Variants in VPS54 observed in about 807,000 individuals in gnomAD.
VPS54 encodes VPS54 subunit of GARP complex.
VPS54 carries 45 observed loss-of-function variants against 121.5 expected under a neutral mutation model. The ratio of observed to expected loss-of-function variants is 0.37; its 90% CI spans 0.29 to 0.47. The LOEUF (loss-of-function observed/expected upper bound fraction) is 0.47, where lower values mean the gene tolerates loss of function less well. Ranked by LOEUF, VPS54 falls within the 20% of genes least tolerant of loss-of-function variation. The pLI is 0.99. For synonymous variants in VPS54, 371 were observed against 385.8 expected, an observed-to-expected ratio of 0.96 and a Z score of 0.45; for missense variants, 1,090 against 1,131.4, an observed-to-expected ratio of 0.96 and a Z score of 0.52.
At chr2:64,017,389 G>A (rs1214065013) in intron 1 of VPS54, among the ~76,000 whole-genome samples, 1 of 151,306 alleles carries the variant, frequency 6.6e-6, no homozygotes, top group Admixed American at 6.6e-5. Context: ...AAGAAATTCT[G>A]CAAAATTTGC....
intron 6 of VPS54, among the ~76,000 whole-genome samples, chr2:63,963,653 C>T (rs960853198): frequency 4.6e-5 from 7 of 152,102 alleles, no homozygotes; most frequent in African/African-American, 1.7e-4. Flanking sequence ...AAATAGGTTA[C>T]AAACAAGAAA....
chr2:63,972,336 C>T, intron 3 of VPS54, 92 bp from the exon 4 acceptor site: 1 of 835,530 alleles, frequency 1.2e-6, no homozygotes, highest in Non-Finnish European at 1.8e-6. Context: ...CAGAATATGC[C>T]AAATTAGTCC....
At chr2:63,973,207 T>TTTA (rs1676366348) in intron 3 of VPS54, among the ~76,000 whole-genome samples, 1 of 152,234 alleles carries the variant, frequency 6.6e-6, no homozygotes, top group African/African-American at 2.4e-5. Context: ...TTGTCAGTGT[T>TTTA]TTAGATTTTT....
At chr2:63,952,765 G>A (rs1675313617) in intron 7 of VPS54, among the ~76,000 whole-genome samples, 1 of 152,146 alleles carries the variant, frequency 6.6e-6, no homozygotes, top group South Asian at 2.1e-4. Flanking sequence ...ATTTCCACCA[G>A]TACAAACTAA....
At chr2:64,005,100 T>C (rs932847902) in intron 1 of VPS54, among the ~76,000 whole-genome samples, 2 of 98,374 alleles carry the variant, frequency 2.0e-5, no homozygotes, top group African/African-American at 8.3e-5. Context: ...TTTTTTTTTT[T>C]TTTTTTTTTT....
chr2:63,944,363 G>C (rs763283234), intron 10 of VPS54, among the ~76,000 whole-genome samples: 142 of 152,070 alleles, frequency 9.3e-4, no homozygotes, highest in Non-Finnish European at 1.5e-4. Context: ...TCTCTCTCAA[G>C]GGTTGCCTCA....
At chr2:64,013,546 G>GATAT (rs201322415) in intron 1 of VPS54, among the ~76,000 whole-genome samples, 6 of 145,494 alleles carry the variant, frequency 4.1e-5, no homozygotes, top group South Asian at 2.2e-4. Context: ...AGTAAATGCT[G>GATAT]ATATATATAT....
chr2:63,911,760 T>G (rs895036016), intron 20 of VPS54, among the ~76,000 whole-genome samples: 5 of 152,250 alleles, frequency 3.3e-5, no homozygotes, highest in Non-Finnish European at 7.3e-5. Context: ...CAGTATACAC[T>G]GAGTAAACTT....
chr2:63,953,122 TTTAA>T (rs1198487044), intron 7 of VPS54, among the ~76,000 whole-genome samples: 2 of 151,346 alleles, frequency 1.3e-5, no homozygotes, highest in African/African-American at 4.8e-5. Flanking sequence ...CCATGAAATT[TTTAA>T]TTTTTTTTTT....
At chr2:63,939,328 T>C (rs1007175461) in intron 11 of VPS54, among the ~76,000 whole-genome samples, 5 of 151,838 alleles carry the variant, frequency 3.3e-5, no homozygotes, top group Non-Finnish European at 1.5e-5. Flanking sequence ...GCTGAGATTG[T>C]GCCACTGCAC....
intron 12 of VPS54, among the ~76,000 whole-genome samples, chr2:63,921,728 C>T (rs979120985): frequency 1.3e-5 from 2 of 152,014 alleles, no homozygotes; most frequent in Non-Finnish European, 2.9e-5. Context: ...GCAATCCTCC[C>T]ACCTCAGCCT....
At chr2:63,986,643 G>A (rs2901636) in intron 1 of VPS54, among the ~76,000 whole-genome samples, 119,215 of 152,188 alleles carry the variant, frequency 0.78, 48,293 homozygotes, top group African/African-American at 0.92. Context: ...ATACAGCTCC[G>A]TTTTCAGTTT....
intron 1 of VPS54, among the ~76,000 whole-genome samples, chr2:64,000,034 G>A (rs1402913676): frequency 3.3e-5 from 5 of 151,878 alleles, no homozygotes; most frequent in African/African-American, 9.7e-5. Context: ...CTAATTTTTT[G>A]TATCTTTAGT....
intron 12 of VPS54, among the ~76,000 whole-genome samples, chr2:63,930,415 CAT>C (rs1287133268): frequency 2.0e-5 from 3 of 152,262 alleles, no homozygotes; most frequent in South Asian, 2.1e-4. Context: ...ACAAAAACCA[CAT>C]GATTATCTCA....
At chr2:63,987,741 C>G (rs1677121855) in intron 1 of VPS54, among the ~76,000 whole-genome samples, 1 of 152,118 alleles carries the variant, frequency 6.6e-6, no homozygotes, top group African/African-American at 2.4e-5. Flanking sequence ...AGAGACTTTT[C>G]ACTTTTTTGG....
chr2:63,915,551 A>G (rs906026695), intron 16 of VPS54, among the ~76,000 whole-genome samples: 1 of 152,204 alleles, frequency 6.6e-6, no homozygotes, highest in Non-Finnish European at 1.5e-5. Flanking sequence ...CAGGGAATTT[A>G]GTTTTTTGGC....
chr2:63,996,512 C>T (rs1023499828), intron 1 of VPS54, among the ~76,000 whole-genome samples: 3 of 152,060 alleles, frequency 2.0e-5, no homozygotes, highest in African/African-American at 7.2e-5. Context: ...AGGATAACAG[C>T]GATGTTCAGG....
intron 10 of VPS54, 103 bp from the exon 11 acceptor site, chr2:63,942,664 A>C (rs994849418): frequency 1.1e-6 from 1 of 949,358 alleles, no homozygotes; most frequent in African/African-American, 1.7e-5. Context: ...CTAGTGATAA[A>C]ATGCAATTTC....
At chr2:63,903,904 AT>A (rs1306846469) in intron 20 of VPS54, among the ~76,000 whole-genome samples, 2 of 152,190 alleles carry the variant, frequency 1.3e-5, no homozygotes, top group African/African-American at 2.4e-5. Flanking sequence ...ATCTAACTAT[AT>A]AAAAACAATT....
Sources: allele counts gnomAD v4.1 joint callset (sites outside exome capture counted in the v4.1 genomes callset), GRCh38; gene constraint gnomAD v4.1.1; transcripts MANE v1.5; gene names NCBI Gene and HGNC (gene_info 2026-07-23, HGNC 2026-07-21).